Variants in FAF1 observed in about 807,000 individuals in gnomAD.
FAF1 encodes the protein FAS-associated factor 1.
FAF1 carries 25 observed loss-of-function variants against 92.5 expected under a neutral mutation model. The observed-to-expected ratio is 0.27, with a 90% CI of 0.20 to 0.38. The LOEUF (loss-of-function observed/expected upper bound fraction) is 0.38. FAF1 is among the 10% of genes least tolerant of loss of function. The pLI, the probability that FAF1 is intolerant of heterozygous loss-of-function variation, is 1.00. For synonymous variants in FAF1, 234 were observed against 273.2 expected (o/e 0.86, Z 1.42); for missense variants, 636 against 793.3 (o/e 0.80, Z 2.38).
intron 4 of FAF1, among the ~76,000 whole-genome samples, chr1:50,762,965 T>C (rs1660390356): frequency 6.6e-6 from 1 of 152,098 alleles, no homozygotes; most frequent in Non-Finnish European, 1.5e-5. Flanking sequence ...TTTTAAAATA[T>C]AGAATGTAGG....
chr1:50,849,513 A>T (rs1248972443), intron 2 of FAF1, among the ~76,000 whole-genome samples: 2 of 152,150 alleles, frequency 1.3e-5, no homozygotes, highest in Admixed American at 6.5e-5. Flanking sequence ...TAAGAAAAAA[A>T]TAAGTCCCAA....
chr1:50,635,701 CTG>C (rs1653978611), intron 8 of FAF1, among the ~76,000 whole-genome samples: 1 of 152,202 alleles, frequency 6.6e-6, no homozygotes, highest in Non-Finnish European at 1.5e-5. Flanking sequence ...ACCACCCACC[CTG>C]ACTGAAAACT....
intron 1 of FAF1, among the ~76,000 whole-genome samples, chr1:50,860,267 T>C (rs1011793996): frequency 4.0e-5 from 6 of 151,860 alleles, no homozygotes; most frequent in African/African-American, 1.2e-4. Flanking sequence ...GACCTAATTA[T>C]ACTAAAGAGC....
At chr1:50,752,263 T>C (rs984300236) in intron 4 of FAF1, among the ~76,000 whole-genome samples, 24 of 152,142 alleles carry the variant, frequency 1.6e-4, no homozygotes, top group Admixed American at 1.3e-3. Context: ...TGAGCCACCA[T>C]GCCAGGCCCT....
At chr1:50,779,795 G>C (rs936307028) in intron 4 of FAF1, among the ~76,000 whole-genome samples, 1 of 151,752 alleles carries the variant, frequency 6.6e-6, no homozygotes, top group Non-Finnish European at 1.5e-5. Context: ...TTAAAAATTA[G>C]AAAAGAGCTG....
chr1:50,468,829 C>A (rs1053848886), intron 18 of FAF1, among the ~76,000 whole-genome samples: 2 of 152,294 alleles, frequency 1.3e-5, no homozygotes, highest in East Asian at 3.9e-4. Flanking sequence ...CTCCTGACCT[C>A]AAGTGATCTG....
chr1:50,744,266 A>G (rs1480801443), intron 5 of FAF1, among the ~76,000 whole-genome samples: 1 of 152,200 alleles, frequency 6.6e-6, no homozygotes, highest in Non-Finnish European at 1.5e-5. Context: ...ATTTCCTATT[A>G]TCTTTGTTCC....
intron 8 of FAF1, among the ~76,000 whole-genome samples, chr1:50,608,625 AAGG>A (rs1331133364): frequency 2.6e-5 from 4 of 152,190 alleles, no homozygotes; most frequent in African/African-American, 4.8e-5. Context: ...CTTACTGAAG[AAGG>A]AGAAGTCCTA....
At chr1:50,755,666 G>C (rs1660048273) in intron 4 of FAF1, among the ~76,000 whole-genome samples, 3 of 152,180 alleles carry the variant, frequency 2.0e-5, no homozygotes, top group Non-Finnish European at 4.4e-5. Flanking sequence ...AGGCCCTCCA[G>C]GAGTGCCCCA....
chr1:50,470,905 T>G (rs554641902), intron 18 of FAF1: 245 of 152,352 alleles, frequency 1.6e-3, no homozygotes, highest in African/African-American at 5.6e-3. Context: ...ATTAACTTCC[T>G]TTATAATACT....
At chr1:50,949,910 G>A (rs1337040975) in intron 1 of FAF1, among the ~76,000 whole-genome samples, 2 of 151,656 alleles carry the variant, frequency 1.3e-5, no homozygotes, top group African/African-American at 4.9e-5. Context: ...CACCCAGGCT[G>A]GTGTGCAGCG....
At chr1:50,451,906 C>G in intron 18 of FAF1, 1 of 1,085,806 alleles carries the variant, frequency 9.2e-7, no homozygotes, top group Non-Finnish European at 1.1e-6. Flanking sequence ...TTAAAATGGT[C>G]TCAAACTTGG....
intron 1 of FAF1, among the ~76,000 whole-genome samples, chr1:50,895,884 A>G (rs1371077257): frequency 6.6e-6 from 1 of 152,320 alleles, no homozygotes; most frequent in African/African-American, 2.4e-5. Context: ...CACTGGGTAT[A>G]GAGAGAACAT....
intron 6 of FAF1, among the ~76,000 whole-genome samples, chr1:50,736,478 A>G (rs1462229619): frequency 6.6e-6 from 1 of 152,154 alleles, no homozygotes; most frequent in Non-Finnish European, 1.5e-5. Flanking sequence ...GGCTGGGCAC[A>G]GTGGCTCACG....
intron 2 of FAF1, among the ~76,000 whole-genome samples, chr1:50,810,613 C>T (rs1643897284): frequency 6.6e-6 from 1 of 152,132 alleles, no homozygotes; most frequent in Admixed American, 6.6e-5. Context: ...TAAAAGGCAT[C>T]CAAATAGAAA....
At chr1:50,572,954 C>T (rs1572842463) in intron 12 of FAF1, among the ~76,000 whole-genome samples, 1 of 152,080 alleles carries the variant, frequency 6.6e-6, no homozygotes, top group East Asian at 1.9e-4. Context: ...CTGACCTGGC[C>T]TCCCAAAATG....
intron 7 of FAF1, among the ~76,000 whole-genome samples, chr1:50,670,725 A>C (rs1171484035): frequency 6.6e-6 from 1 of 152,034 alleles, no homozygotes; most frequent in Non-Finnish European, 1.5e-5. Flanking sequence ...TGAGTTTAGG[A>C]GTTCCAGACC....
intron 2 of FAF1, among the ~76,000 whole-genome samples, chr1:50,855,483 A>C (rs537174415): frequency 1.3e-5 from 2 of 151,948 alleles, no homozygotes; most frequent in South Asian, 4.1e-4. Flanking sequence ...CCGAGGTTAC[A>C]ACTCAATTAA....
chr1:50,470,484 G>T (rs1646557919), intron 18 of FAF1, among the ~76,000 whole-genome samples: 1 of 152,126 alleles, frequency 6.6e-6, no homozygotes, highest in South Asian at 2.1e-4. Flanking sequence ...AGATTTCAAT[G>T]ATATATTCTT....
Sources: gnomAD v4.1 joint callset for allele counts (sites outside exome capture counted in the v4.1 genomes callset) on GRCh38, gnomAD v4.1.1 for gene constraint, MANE v1.5 for transcripts, NCBI Gene and HGNC (gene_info 2026-07-23, HGNC 2026-07-21) for gene names.